The following LRP1 variants were observed in gnomAD, a reference collection of about 807,000 sequenced individuals.
The protein encoded by LRP1 is prolow-density lipoprotein receptor-related protein 1.
Under a neutral mutation model 541.5 loss-of-function variants are expected in LRP1, and 51 were observed. The observed-to-expected ratio is 0.09, with a 90% CI of 0.08 to 0.12. LRP1 has a LOEUF of 0.12. LRP1 is among the 10% of genes least tolerant of loss of function. The probability of loss-of-function intolerance (pLI) is 1.00; values close to 1 mark genes in which losing one functional copy is unlikely to be tolerated. For missense variants in LRP1, 3,878 were observed against 6,376.2 expected (o/e 0.61, Z 13.34); for synonymous variants, 2,219 against 2,470.8 (o/e 0.90, Z 3.02).
intron 15 of LRP1, among the ~76,000 whole-genome samples, chr12:57,163,637 A>G (rs1028952286): frequency 1.8e-4 from 28 of 152,114 alleles, no homozygotes; most frequent in African/African-American, 6.8e-4. Flanking sequence ...GAAATTAGAG[A>G]GGAGAAAAAA....
intron 42 of LRP1, among the ~76,000 whole-genome samples, chr12:57,190,565 C>T (rs1306308970): frequency 2.0e-5 from 3 of 152,238 alleles, no homozygotes; most frequent in Non-Finnish European, 4.4e-5. Context: ...TGCCCAGATA[C>T]TGCAATGTGA....
At chr12:57,134,821 T>G (rs1381628086) in intron 1 of LRP1, among the ~76,000 whole-genome samples, 1 of 152,182 alleles carries the variant, frequency 6.6e-6, no homozygotes, top group Admixed American at 6.5e-5. Flanking sequence ...TTCTCCTGCC[T>G]CAGCCTCCTG....
At chr12:57,209,317 G>C (rs1354792955) in intron 79 of LRP1, 118 bp downstream of exon 79, 1 of 840,892 alleles carries the variant, frequency 1.2e-6, no homozygotes, top group South Asian at 1.6e-5. Context: ...CCCCAGCAAT[G>C]CTGCAGCGCC....
Position 57,167,180 on chromosome 12 carries a change from C to T in LRP1, c.2914+134C>T, listed in dbSNP as rs530142252. On this transcript the variant is annotated intron_variant, in intron 18 of 88. Coordinates refer to ENST00000243077, the MANE Select transcript of LRP1 (RefSeq NM_002332.3). Reference sequence around the variant, plus strand: ...TTGAGTGAGTTAATCTCGGTGGCCTCTGTGAGAGGAGAGCCCCATCATCAC... The same window carrying T: ...TTGAGTGAGTTAATCTCGGTGGCCTTTGTGAGAGGAGAGCCCCATCATCAC... 29 of 734,936 alleles carry T rather than the reference C, an allele frequency of 3.9e-5. 1 individual carries two copies. In the South Asian group the frequency reaches 4.4e-4, roughly 11 times the overall value. 45.5% of individuals were successfully genotyped at this position (734,936 alleles called of 1,614,324 possible). A position where few individuals can be genotyped will look rare whatever the true frequency, so the allele number is the denominator to read the frequency against.
At chr12:57,200,328 C>G (rs2036622231) in intron 62 of LRP1, 114 bp from the exon 63 acceptor site, 1 of 733,184 alleles carries the variant, frequency 1.4e-6, no homozygotes, top group East Asian at 2.7e-5. Context: ...CAACCTGCCC[C>G]ATAACACCCT....
At chr12:57,172,564 C>T (rs1288796498) in intron 20 of LRP1, among the ~76,000 whole-genome samples, 5 of 152,092 alleles carry the variant, frequency 3.3e-5, no homozygotes, top group Admixed American at 2.0e-4. Context: ...TCCAGGGATC[C>T]TCTGGGCTCA....
At position 57,198,675 on chromosome 12, in the gene LRP1, G is replaced by T; in HGVS notation, c.9676+5G>T. On this transcript the variant is annotated splice_donor_5th_base_variant and intron_variant, in intron 60 of 88. Transcript: ENST00000243077. ...ATGGCTCCAATCGCCACGTTGGTCA[G>T]TGTGCCAGTGAGGCTGTCCAGGCAC... The T allele has an allele frequency of 6.2e-7, 1 of 1,603,186 alleles. No individual in the cohort carries two copies.
chr12:57,145,966 C>T (rs1392142397), intron 6 of LRP1, among the ~76,000 whole-genome samples: 2 of 152,100 alleles, frequency 1.3e-5, no homozygotes, highest in African/African-American at 4.8e-5. Flanking sequence ...CTCTCTGCTG[C>T]CATCGGGGGA....
chr12:57,207,394 G>A (rs184493007), intron 76 of LRP1, among the ~76,000 whole-genome samples: 12 of 152,016 alleles, frequency 7.9e-5, no homozygotes, highest in African/African-American at 2.6e-4. Context: ...CAGCTACTCA[G>A]GAGGCTGAAG....
At position 57,184,123 on chromosome 12, in the gene LRP1, G is replaced by A; in HGVS notation, c.5968G>A (p.Glu1990Lys). The A allele has an allele frequency of 1.2e-6, 2 of 1,614,064 alleles. No homozygotes were observed. Among genetic ancestry groups the A allele is most frequent in the Non-Finnish European group, 1.7e-6 (2 of 1,179,994 alleles). The change falls in exon 37 of 89, where the codon GAG becomes AAG. Residue 1990 changes from glutamate to lysine, a missense_variant. Physicochemically the swap from Glu to Lys is moderately conservative, Grantham distance 56. Around this residue, in one of 13 missense-constraint regions of LRP1, gnomAD observed 394 missense variants for 635.9 expected, o/e 0.62. Transcript: ENST00000243077. The surrounding 1 kb of genome is among the most constrained non-coding windows in gnomAD (Gnocchi z 7.8). Reference sequence around the variant, plus strand: ...GACAGACCAGGGCTTTGATGTCATCGAGGTCGCCCGGCTCAATGGCTCCTT... The same window carrying A: ...GACAGACCAGGGCTTTGATGTCATCAAGGTCGCCCGGCTCAATGGCTCCTT... The part of the protein sequence containing the change: ...YWTDQGFDVI[E>K]VARLNGSFRY...
rs999559564 is a variant in LRP1 at position 57,212,878 on chromosome 12, T to G, written c.*323T>G. 3.8e-6 allele frequency: 1 copy of G among 264,630 alleles called. No homozygotes were observed. The highest frequency in any genetic ancestry group is 7.2e-6 in the Non-Finnish European group (1 of 138,992). 16.4% of individuals were successfully genotyped at this position (264,630 alleles called of 1,614,324 possible). On this transcript the variant is annotated 3_prime_UTR_variant, in exon 89 of 89. Coordinates refer to ENST00000243077, the MANE Select transcript of LRP1 (RefSeq NM_002332.3). The surrounding 1 kb of genome is among the most constrained non-coding windows in gnomAD (Gnocchi z 5.0). ...GTGGTGCAGCCTTCCCCTCCCTGTA[T>G]AAGACACTTTGCCAAGGCTCTCCCC... is the stretch of plus-strand genomic sequence containing the variant.
At chr12:57,166,630 G>T (rs2035846144) in intron 17 of LRP1, among the ~76,000 whole-genome samples, 1 of 152,150 alleles carries the variant, frequency 6.6e-6, no homozygotes, top group Non-Finnish European at 1.5e-5. Flanking sequence ...AGTGGGGTCT[G>T]CTATCCCCTT....
chr12:57,153,681 C>T (rs544375287), intron 6 of LRP1, among the ~76,000 whole-genome samples: 1 of 152,266 alleles, frequency 6.6e-6, no homozygotes, highest in East Asian at 1.9e-4. Flanking sequence ...CCTTTGGCAT[C>T]TCTGTAGAGT....
In LRP1 at chr12:57,198,654, C is replaced by A; in HGVS notation, c.9660C>A (p.Gly3220=). The change falls in exon 60 of 89, where the codon GGC becomes GGA. Residue 3220 remains glycine, a synonymous_variant. Coordinates refer to ENST00000243077, the MANE Select transcript of LRP1 (RefSeq NM_002332.3). The stretch of plus-strand genomic sequence containing the variant: ...ACATTGAATTTGCCAGCCTGGATGG[C>A]TCCAATCGCCACGTTGGTCAGTGTG... ...EDYIEFASLD[G]SNRHVVLSQD... is the part of the protein sequence containing the mutation. 1 of 1,610,482 alleles carries A rather than the reference C, an allele frequency of 6.2e-7. No homozygotes were observed. Among genetic ancestry groups the A allele is most frequent in the South Asian group, 1.1e-5 (1 of 90,450 alleles).
rs372648339 is a variant in LRP1, at chr12:57,175,738, C to T, written c.3793+33C>T. 135 of 1,549,098 alleles carry T rather than the reference C, an allele frequency of 8.7e-5. No individual in the cohort carries two copies. In the Middle Eastern group the frequency reaches 2.8e-3, roughly 32 times the overall value. ...AACAGTGAGGTGTGGTGGGGCAGGC[C>T]GAGGCAGGCCTCTGAGCTGCAGTGG... is the stretch of plus-strand genomic sequence containing the variant. On this transcript the variant is annotated intron_variant, in intron 23 of 88. Transcript: ENST00000243077.
rs1223936910 is a variant in LRP1 at position 57,176,000 on chromosome 12, C to T, written c.3885C>T (p.Gly1295=). 6.2e-7 allele frequency: 1 copy of T among 1,614,244 alleles called. No homozygotes were observed. The highest frequency in any genetic ancestry group is 8.5e-7 in the Non-Finnish European group (1 of 1,180,044). The change falls in exon 24 of 89, where the codon GGC becomes GGT. Residue 1295 remains glycine, a synonymous_variant. Coordinates refer to ENST00000243077, the MANE Select transcript of LRP1 (RefSeq NM_002332.3). The part of the protein sequence containing the change: ...HKGDYSVLVP[G]LRNTIALDFH... ...GAGACTACAGCGTCCTGGTGCCCGGCCTGCGCAACACCATCGCCCTGGACT... is the reference window on the plus strand; with the variant it reads ...GAGACTACAGCGTCCTGGTGCCCGGTCTGCGCAACACCATCGCCCTGGACT...
chr12:57,200,342 C>T, intron 62 of LRP1, 100 bp from the exon 63 acceptor site: 1 of 789,758 alleles, frequency 1.3e-6, no homozygotes. Flanking sequence ...ACACCCTGAC[C>T]CCTGCCTCAA....
At position 57,201,689 on chromosome 12, in the gene LRP1, C is replaced by A. The variant is rs2136741917; in HGVS notation, c.10468+70C>A. 27 of 1,594,356 alleles carry A rather than the reference C, an allele frequency of 1.7e-5. No individual in the cohort carries two copies. The highest frequency in any genetic ancestry group is 2.2e-5 in the Non-Finnish European group (26 of 1,166,412). ...CTGCTCACACCACCCCGACGTGTGA[C>A]CCCCTCAGTGGCTGCTCCCTCACTC... On this transcript the variant is annotated intron_variant, in intron 66 of 88. Coordinates refer to ENST00000243077, the MANE Select transcript of LRP1 (RefSeq NM_002332.3). This position sits in a 1 kb window ranked among gnomAD's most constrained non-coding sequence, Gnocchi z 6.4.
Position 57,159,825 on chromosome 12 carries a change from G to T in LRP1, c.1799G>T (p.Gly600Val). 1 of 1,613,800 alleles carries T rather than the reference G, an allele frequency of 6.2e-7. No individual in the cohort carries two copies. The highest frequency in any genetic ancestry group is 8.5e-7 in the Non-Finnish European group (1 of 1,179,682). Residue 600 changes from glycine to valine, a missense_variant and splice_region_variant, in exon 12 of 89, where the codon GGC becomes GTC. Around this residue, in one of 13 missense-constraint regions of LRP1, gnomAD observed 496 missense variants for 861.0 expected, o/e 0.58. Transcript: ENST00000243077. ...GTERETILKD[G>V]IHNVEGVAVD... ...TCACTGGTCCCTCTTCCCCCAACAG[G>T]CATCCACAATGTGGAGGGTGTGGCC... is the stretch of plus-strand genomic sequence containing the variant.
Sources: gnomAD v4.1 joint callset for allele counts (sites outside exome capture counted in the v4.1 genomes callset) on GRCh38, gnomAD v4.1.1 for gene constraint, gnomAD v4.1.1 regional missense constraint, Gnocchi (gnomAD v3.1) non-coding constraint, MANE v1.5 for transcripts, NCBI Gene and HGNC (gene_info 2026-07-23, HGNC 2026-07-21) for gene names.